SMCHD1: variants seen among roughly 807,000 people sequenced by gnomAD.
The protein encoded by SMCHD1 is structural maintenance of chromosomes flexible hinge domain-containing protein 1.
Under a neutral mutation model 254.7 loss-of-function variants are expected in SMCHD1, and 78 were observed. The observed-to-expected ratio is 0.31, with a 90% CI of 0.26 to 0.37. The LOEUF (loss-of-function observed/expected upper bound fraction) is 0.37. SMCHD1 is among the 10% of genes least tolerant of loss of function. The pLI, the probability that SMCHD1 is intolerant of heterozygous loss-of-function variation, is 1.00. For missense variants in SMCHD1, 1,840 were observed against 2,408.1 expected, an observed-to-expected ratio of 0.76 and a Z score of 4.94; for synonymous variants, 766 against 794.9, an observed-to-expected ratio of 0.96 and a Z score of 0.61.
At chr18:2,789,741 G>T (rs1323186462) in intron 45 of SMCHD1, among the ~76,000 whole-genome samples, 1 of 152,190 alleles carries the variant, frequency 6.6e-6, no homozygotes, top group African/African-American at 2.4e-5. Context: ...GGTTTATTGG[G>T]ACATAACTTC....
chr18:2,729,676 T>C lies in SMCHD1; in HGVS notation c.3048+267T>C, dbSNP rs190101475. On this transcript the variant is annotated intron_variant, in intron 24 of 47. Coordinates refer to ENST00000320876, the MANE Select transcript of SMCHD1 (RefSeq NM_015295.3). ...GATTTACATTTCCCTAAAATATTTT[T>C]CTTCTATTAAAATACATAATTTTAT... is the stretch of plus-strand genomic sequence containing the variant. Among the ~76,000 whole-genome samples the C allele has an allele frequency of 2.4e-3, 358 of 152,088 alleles. 3 individuals carry two copies. The highest frequency in any genetic ancestry group is 8.2e-3 in the African/African-American group (342 of 41,528).
chr18:2,666,056 A>G, intron 1 of SMCHD1, 101 bp from the exon 2 acceptor site: 1 of 590,510 alleles, frequency 1.7e-6, no homozygotes, highest in Non-Finnish European at 2.9e-6. Flanking sequence ...TAGTGGTTAC[A>G]GAATTATAAT....
At chr18:2,709,187 A>C (rs1401144141) in intron 17 of SMCHD1, among the ~76,000 whole-genome samples, 1 of 145,064 alleles carries the variant, frequency 6.9e-6, no homozygotes, top group Non-Finnish European at 1.5e-5. Flanking sequence ...ATTCCTTCTT[A>C]AGGTTGAATA....
chr18:2,662,666 C>A lies in SMCHD1; in HGVS notation c.187-3491C>A, dbSNP rs150492244. ...TCTCAACAACAATAACAACAAAAAA[C>A]CAAAAAAAAAAAAAAAAAAAAAAAG... On this transcript the variant is annotated intron_variant, in intron 1 of 47. Transcript: ENST00000320876. 3.4e-3 allele frequency among the ~76,000 whole-genome samples: 99 copies of A among 29,416 alleles called. 3 individuals are homozygous for A. The East Asian group carries it at 0.04, about 12-fold the overall frequency. 19.3% of individuals were successfully genotyped at this position (29,416 alleles called of 152,430 possible). A position where few individuals can be genotyped will look rare whatever the true frequency, so the allele number is the denominator to read the frequency against.
At chr18:2,697,171 T>G in intron 9 of SMCHD1, 49 bp downstream of exon 9, 1 of 962,974 alleles carries the variant, frequency 1.0e-6, no homozygotes, top group East Asian at 2.7e-5. Context: ...AGATATTTGT[T>G]CCAGTTCCAA....
chr18:2,722,649 A>G lies in SMCHD1; in HGVS notation c.2589A>G (p.Pro863=). The G allele has an allele frequency of 6.2e-7, 1 of 1,609,838 alleles. No individual in the cohort carries two copies. Among genetic ancestry groups the G allele is most frequent in the Non-Finnish European group, 8.5e-7 (1 of 1,178,578 alleles). Residue 863 remains proline (P), a synonymous_variant, in exon 20 of 48, where the codon CCA becomes CCG. Transcript: ENST00000320876. ...GTCAACTAGTAACTGATATTCAGCC[A>G]GTTCTTGAAGCAAGGTAATTTGAAG... is the stretch of plus-strand genomic sequence containing the variant. ...HTSQLVTDIQ[P]VLEASGLSLH...
intron 7 of SMCHD1, among the ~76,000 whole-genome samples, chr18:2,689,998 G>C (rs1022866836): frequency 6.6e-6 from 1 of 151,862 alleles, no homozygotes; most frequent in African/African-American, 2.4e-5. Context: ...TTGGGCGATA[G>C]AGCAAGACTG....
chr18:2,761,593 G>A (rs1433814813), intron 35 of SMCHD1, among the ~76,000 whole-genome samples: 2 of 152,168 alleles, frequency 1.3e-5, no homozygotes, highest in East Asian at 3.9e-4. Flanking sequence ...GAGGTGGGCA[G>A]ATCACTTGAG....
At chr18:2,671,519 C>T (rs2073600449) in intron 3 of SMCHD1, among the ~76,000 whole-genome samples, 1 of 151,922 alleles carries the variant, frequency 6.6e-6, no homozygotes, top group Admixed American at 6.6e-5. Context: ...GGGTCTTTCC[C>T]TACTTCTGTT....
intron 44 of SMCHD1, among the ~76,000 whole-genome samples, chr18:2,784,056 T>A (rs2076200939): frequency 6.6e-6 from 1 of 152,236 alleles, no homozygotes. Context: ...CAATGTAATA[T>A]TCTCCTTTTG....
Position 2,655,733 on chromosome 18 carries a change from C to T in SMCHD1, c.-343C>T, listed in dbSNP as rs1342770733. On this transcript the variant is annotated 5_prime_UTR_variant, in exon 1 of 48. Transcript: ENST00000320876. ...CGCTCTTCCTCCTGCGCCACAGTCC[C>T]GGCGGCGGCGCTGGTCGCGGGTCGC... 1.1e-5 allele frequency: 2 copies of T among 187,578 alleles called. No homozygotes were observed. Among genetic ancestry groups the T allele is most frequent in the East Asian group, 1.3e-4 (1 of 7,850 alleles). 11.6% of individuals were successfully genotyped at this position (187,578 alleles called of 1,614,324 possible).
intron 25 of SMCHD1, among the ~76,000 whole-genome samples, chr18:2,733,192 T>C (rs1006113473): frequency 3.3e-5 from 5 of 152,188 alleles, no homozygotes; most frequent in African/African-American, 1.2e-4. Context: ...TGTTCTTCTA[T>C]AATGAGACAC....
At chr18:2,725,145 C>T (rs780349329) in intron 21 of SMCHD1, 150 bp downstream of exon 21, 2 of 448,256 alleles carry the variant, frequency 4.5e-6, no homozygotes, top group Non-Finnish European at 7.8e-6. Flanking sequence ...CATTATGCCA[C>T]CTGACTTATC....
intron 5 of SMCHD1, among the ~76,000 whole-genome samples, chr18:2,678,687 T>C (rs914997629): frequency 3.9e-5 from 6 of 152,194 alleles, no homozygotes; most frequent in African/African-American, 7.2e-5. Flanking sequence ...ATTTGAGTTA[T>C]AATACTTTCT....
chr18:2,723,788 T>G (rs1463957242), intron 20 of SMCHD1, among the ~76,000 whole-genome samples: 2 of 152,188 alleles, frequency 1.3e-5, no homozygotes, highest in African/African-American at 4.8e-5. Flanking sequence ...TCTGGAGATC[T>G]GAGATCTAAA....
At chr18:2,668,833 C>T (rs1236866418) in intron 3 of SMCHD1, among the ~76,000 whole-genome samples, 1 of 152,056 alleles carries the variant, frequency 6.6e-6, no homozygotes, top group African/African-American at 2.4e-5. Context: ...TTTTTCTTGA[C>T]GTGTTACTTG....
intron 45 of SMCHD1, among the ~76,000 whole-genome samples, chr18:2,794,535 C>T (rs149034790): frequency 5.7e-4 from 87 of 152,192 alleles, no homozygotes; most frequent in Non-Finnish European, 1.1e-3. Flanking sequence ...CTGAATAAAC[C>T]ATTCTTGGCC....
chr18:2,725,040 T>A (rs2074999058), intron 21 of SMCHD1, 45 bp downstream of exon 21: 1 of 1,124,202 alleles, frequency 8.9e-7, no homozygotes, highest in African/African-American at 1.6e-5. Flanking sequence ...AAGTATTTAT[T>A]TATCATATGG....
At chr18:2,705,358 TGA>T (rs1009152531) in intron 13 of SMCHD1, among the ~76,000 whole-genome samples, 1 of 152,182 alleles carries the variant, frequency 6.6e-6, no homozygotes, top group Non-Finnish European at 1.5e-5. Context: ...GTTCATCATC[TGA>T]GAGCAGAATT....
Sources: gnomAD v4.1 joint callset for allele counts (sites outside exome capture counted in the v4.1 genomes callset) on GRCh38, gnomAD v4.1.1 for gene constraint, MANE v1.5 for transcripts, NCBI Gene and HGNC (gene_info 2026-07-23, HGNC 2026-07-21) for gene names.